CPAP: variants seen among roughly 807,000 people sequenced by gnomAD.
The protein encoded by CPAP is centrosome assembly and centriole elongation protein, also known as centrosomal P4.1-associated protein.
the CPAP span, among the ~76,000 whole-genome samples, chr13:24,932,338 A>G: frequency 2.6e-3 from 389 of 152,332 alleles, 6 homozygotes; most frequent in East Asian, 0.033. Flanking sequence ...TTAGCCAGGC[A>G]TGGTGGTGGG....
the CPAP span, chr13:24,883,499 A>C: frequency 1.5e-6 from 1 of 674,476 alleles, no homozygotes; most frequent in Non-Finnish European, 2.5e-6. Flanking sequence ...TTATCCCTAT[A>C]CAATTGTAAC....
the CPAP span, among the ~76,000 whole-genome samples, chr13:24,900,245 G>T: frequency 6.6e-6 from 1 of 152,188 alleles, no homozygotes; most frequent in Non-Finnish European, 1.5e-5. Context: ...AGGCCCTGAG[G>T]CAAGAATGTG....
the CPAP span, among the ~76,000 whole-genome samples, chr13:24,924,162 T>G: frequency 6.6e-6 from 1 of 152,060 alleles, no homozygotes; most frequent in Non-Finnish European, 1.5e-5. Context: ...TCACTGTGGG[T>G]GAGGAAGCTA....
chr13:24,920,967 A>T, the CPAP span, among the ~76,000 whole-genome samples: 1 of 152,064 alleles, frequency 6.6e-6, no homozygotes, highest in Non-Finnish European at 1.5e-5. Flanking sequence ...AGGCAAAATA[A>T]ACCCATAGTT....
chr13:24,910,121 T>G, the CPAP span: 4 of 1,596,948 alleles, frequency 2.5e-6, no homozygotes, highest in Non-Finnish European at 3.4e-6. Context: ...GCTGATGACT[T>G]CCTTCAACAT....
chr13:24,920,485 A>G, the CPAP span, among the ~76,000 whole-genome samples: 71,057 of 152,104 alleles, frequency 0.47, 16,815 homozygotes, highest in South Asian at 0.57. Flanking sequence ...AAAAATGCCA[A>G]TGTGATGTAC....
At chr13:24,933,276 T>C in the CPAP span, 1 of 676,514 alleles carries the variant, frequency 1.5e-6, no homozygotes, top group South Asian at 1.9e-5. Context: ...GACTGTGACT[T>C]GGCCGGTTGG....
chr13:24,916,310 A>AAT, the CPAP span, among the ~76,000 whole-genome samples: 4 of 152,142 alleles, frequency 2.6e-5, no homozygotes, highest in Non-Finnish European at 4.4e-5. Context: ...AATACAGCAA[A>AAT]ATATATATAT....
chr13:24,891,668 C>T, the CPAP span, among the ~76,000 whole-genome samples: 1 of 152,192 alleles, frequency 6.6e-6, no homozygotes, highest in South Asian at 2.1e-4. Flanking sequence ...GTTGCCCATG[C>T]TCCCTTCCAC....
the CPAP span, among the ~76,000 whole-genome samples, chr13:24,886,954 C>T: frequency 6.6e-5 from 10 of 152,172 alleles, no homozygotes; most frequent in Middle Eastern, 3.4e-3. Flanking sequence ...GAGAGGTGAC[C>T]GTGGGCATAG....
the CPAP span, among the ~76,000 whole-genome samples, chr13:24,894,177 C>T: frequency 6.6e-6 from 1 of 152,122 alleles, no homozygotes; most frequent in African/African-American, 2.4e-5. Flanking sequence ...CACATAGGGA[C>T]TGAGGTTCTT....
chr13:24,925,574 A>C, the CPAP span, among the ~76,000 whole-genome samples: 5 of 152,244 alleles, frequency 3.3e-5, no homozygotes, highest in African/African-American at 9.6e-5. Flanking sequence ...GACTACAGCC[A>C]GGGCAACAGA....
At chr13:24,903,891 G>A in the CPAP span, 1 of 1,606,928 alleles carries the variant, frequency 6.2e-7, no homozygotes, top group South Asian at 1.1e-5. Context: ...CTGAGTCACT[G>A]CATATTTTTT....
chr13:24,910,012 T>C, the CPAP span: 2 of 1,614,116 alleles, frequency 1.2e-6, no homozygotes, highest in East Asian at 4.5e-5. Flanking sequence ...AAGCAGCATG[T>C]GGCTCTCTCT....
At chr13:24,924,313 A>C in the CPAP span, among the ~76,000 whole-genome samples, 1 of 53,476 alleles carries the variant, frequency 1.9e-5, no homozygotes, top group African/African-American at 5.3e-5. Context: ...GTGTATCTTT[A>C]AGGATAGTCG....
the CPAP span, among the ~76,000 whole-genome samples, chr13:24,893,608 G>A: frequency 2.0e-5 from 3 of 152,206 alleles, no homozygotes; most frequent in East Asian, 5.8e-4. Flanking sequence ...GTGACATCAA[G>A]GTTCACATCC....
At chr13:24,900,020 AATAAAG>A in the CPAP span, among the ~76,000 whole-genome samples, 4 of 152,200 alleles carry the variant, frequency 2.6e-5, no homozygotes, top group African/African-American at 9.6e-5. Flanking sequence ...GACAGACGAT[AATAAAG>A]ATAAATAAGT....
the CPAP span, chr13:24,908,214 CA>C: frequency 9.7e-5 from 87 of 899,472 alleles, no homozygotes; most frequent in African/African-American, 2.7e-4. Flanking sequence ...TATGCTAAAA[CA>C]TTTTTTTAAT....
chr13:24,889,522 T>C, the CPAP span: 65 of 727,212 alleles, frequency 8.9e-5, no homozygotes, highest in African/African-American at 9.3e-4. Context: ...CATATTGTTT[T>C]CATTTATACA....
Sources: allele counts gnomAD v4.1 joint callset (sites outside exome capture counted in the v4.1 genomes callset), GRCh38; gene constraint gnomAD v4.1.1; transcripts MANE v1.5; gene names NCBI Gene and HGNC (gene_info 2026-07-23, HGNC 2026-07-21).